Variants in CAMK2D observed in about 807,000 individuals in gnomAD.
CAMK2D encodes the protein calcium/calmodulin dependent protein kinase II delta.
In CAMK2D, 37 loss-of-function variants were observed where a neutral mutation model predicts 84.0. The observed-to-expected ratio is 0.44, with a 90% CI of 0.34 to 0.58. CAMK2D has a LOEUF of 0.58. Ranked by LOEUF, CAMK2D falls within the 20% of genes least tolerant of loss-of-function variation. The pLI is 0.02. For missense variants in CAMK2D, 448 were observed against 652.5 expected (o/e 0.69, Z 3.41); for synonymous variants, 202 against 212.5 (o/e 0.95, Z 0.43).
intron 4 of CAMK2D, among the ~76,000 whole-genome samples, chr4:113,583,207 A>G (rs2098818725): frequency 6.6e-6 from 1 of 151,526 alleles, no homozygotes; most frequent in African/African-American, 2.4e-5. Flanking sequence ...TTGAATTCCA[A>G]TGTGCATTAT....
At chr4:113,548,293 C>A (rs1203047617) in intron 5 of CAMK2D, among the ~76,000 whole-genome samples, 1 of 152,186 alleles carries the variant, frequency 6.6e-6, no homozygotes, top group East Asian at 1.9e-4. Context: ...AACCCATGGT[C>A]TCAGAACAGA....
chr4:113,633,759 A>C (rs1347386540), intron 3 of CAMK2D, among the ~76,000 whole-genome samples: 3 of 152,090 alleles, frequency 2.0e-5, no homozygotes, highest in Admixed American at 2.0e-4. Flanking sequence ...CAAAGTGCTT[A>C]GCATCTCTGC....
At chr4:113,502,870 T>C in intron 15 of CAMK2D, 66 bp downstream of exon 15, 1 of 1,102,252 alleles carries the variant, frequency 9.1e-7, no homozygotes, top group South Asian at 1.3e-5. Context: ...CGAATTAATT[T>C]TTTTGAATAT....
At chr4:113,592,777 A>T (rs929276809) in intron 4 of CAMK2D, among the ~76,000 whole-genome samples, 1 of 152,174 alleles carries the variant, frequency 6.6e-6, no homozygotes, top group African/African-American at 2.4e-5. Flanking sequence ...CCAGCTAATG[A>T]ATTATTATGC....
chr4:113,758,167 A>G (rs1006793258), intron 2 of CAMK2D, among the ~76,000 whole-genome samples: 1 of 152,178 alleles, frequency 6.6e-6, no homozygotes, highest in African/African-American at 2.4e-5. Context: ...CATAATTAAC[A>G]TAATATTCTT....
intron 3 of CAMK2D, among the ~76,000 whole-genome samples, chr4:113,622,824 C>G (rs941787421): frequency 6.6e-6 from 1 of 152,150 alleles, no homozygotes; most frequent in African/African-American, 2.4e-5. Flanking sequence ...AACACATGTC[C>G]ATTGAATGAC....
chr4:113,586,729 A>G (rs2098836017), intron 4 of CAMK2D, among the ~76,000 whole-genome samples: 1 of 152,032 alleles, frequency 6.6e-6, no homozygotes, highest in African/African-American at 2.4e-5. Context: ...AAACAAACCC[A>G]CTCCAGTACT....
chr4:113,750,159 T>C (rs2099613934), intron 2 of CAMK2D, among the ~76,000 whole-genome samples: 1 of 152,170 alleles, frequency 6.6e-6, no homozygotes, highest in Admixed American at 6.5e-5. Context: ...ATATGAAATA[T>C]CTATTGAAAG....
chr4:113,475,963 C>T (rs1038184739), intron 16 of CAMK2D, among the ~76,000 whole-genome samples: 2 of 152,134 alleles, frequency 1.3e-5, no homozygotes, highest in Non-Finnish European at 2.9e-5. Flanking sequence ...CAGTCTCCTC[C>T]CATTCATTGT....
chr4:113,594,669 C>T (rs1326580074), intron 4 of CAMK2D, among the ~76,000 whole-genome samples: 1 of 152,098 alleles, frequency 6.6e-6, no homozygotes, highest in Non-Finnish European at 1.5e-5. Flanking sequence ...GTAGACTAGA[C>T]AGGGCTGAGA....
chr4:113,568,074 G>T (rs2154218778), intron 4 of CAMK2D, among the ~76,000 whole-genome samples: 1 of 152,248 alleles, frequency 6.6e-6, no homozygotes, highest in East Asian at 1.9e-4. Flanking sequence ...ATGGAAAAGT[G>T]ATGTTTTTAA....
At chr4:113,599,050 A>C (rs2098940221) in intron 4 of CAMK2D, among the ~76,000 whole-genome samples, 1 of 152,238 alleles carries the variant, frequency 6.6e-6, no homozygotes, top group Admixed American at 6.5e-5. Context: ...GTAAGCGAGC[A>C]TATGAGATGA....
intron 4 of CAMK2D, among the ~76,000 whole-genome samples, chr4:113,604,594 G>A (rs927134095): frequency 2.0e-5 from 3 of 152,184 alleles, no homozygotes; most frequent in Non-Finnish European, 4.4e-5. Flanking sequence ...TCAGTTGCCT[G>A]TTGCAGCATA....
At position 113,451,810 on chromosome 4, in the gene CAMK2D, T is replaced by C. The variant is rs1215389409; in HGVS notation, c.*2735A>G. On this transcript the variant is annotated 3_prime_UTR_variant, in exon 21 of 21. Coordinates refer to ENST00000511664, the MANE Select transcript of CAMK2D (RefSeq NM_001321571.2). ...GACAGGAGAGGTAAATACAATCTAT[T>C]ATGTAGGTTTTGAGAGGGAAGGCAA... The C allele has an allele frequency of 6.6e-6, 1 of 152,092 alleles. No individual in the cohort carries two copies. Among genetic ancestry groups the C allele is most frequent in the Non-Finnish European group, 1.5e-5 (1 of 68,022 alleles). 9.4% of individuals were successfully genotyped at this position (152,092 alleles called of 1,614,324 possible). A position where few individuals can be genotyped will look rare whatever the true frequency, so the allele number is the denominator to read the frequency against.
intron 2 of CAMK2D, among the ~76,000 whole-genome samples, chr4:113,751,009 CTG>C (rs1327504849): frequency 1.3e-5 from 2 of 152,016 alleles, no homozygotes; most frequent in Non-Finnish European, 1.5e-5. Context: ...AACAGAGAAA[CTG>C]TGTCTCAAAA....
intron 7 of CAMK2D, among the ~76,000 whole-genome samples, chr4:113,533,915 A>G (rs980654670): frequency 6.6e-6 from 1 of 151,882 alleles, no homozygotes; most frequent in African/African-American, 2.4e-5. Flanking sequence ...AAAAAAAAAC[A>G]ATAAACAGCT....
chr4:113,655,244 G>A (rs1408366168), intron 3 of CAMK2D, among the ~76,000 whole-genome samples: 2 of 151,980 alleles, frequency 1.3e-5, no homozygotes, highest in African/African-American at 4.8e-5. Context: ...ATAAACTGTG[G>A]CCCAGTGAAT....
At chr4:113,758,869 T>C (rs2099634538) in intron 2 of CAMK2D, among the ~76,000 whole-genome samples, 1 of 152,200 alleles carries the variant, frequency 6.6e-6, no homozygotes, top group Admixed American at 6.5e-5. Flanking sequence ...TACTGTTAAA[T>C]ATACCTTGAT....
intron 2 of CAMK2D, among the ~76,000 whole-genome samples, chr4:113,666,091 C>G (rs1157124255): frequency 6.6e-6 from 1 of 152,156 alleles, no homozygotes; most frequent in Non-Finnish European, 1.5e-5. Flanking sequence ...AAATTTTAAT[C>G]TTTATGCAAA....
Sources: allele counts gnomAD v4.1 joint callset (sites outside exome capture counted in the v4.1 genomes callset), GRCh38; gene constraint gnomAD v4.1.1; transcripts MANE v1.5; gene names NCBI Gene and HGNC (gene_info 2026-07-23, HGNC 2026-07-21).